The following ATP8A2 variants were observed in gnomAD, a reference collection of about 807,000 sequenced individuals.
ATP8A2 encodes the protein ATPase phospholipid transporting 8A2.
A neutral mutation model predicts 165.6 loss-of-function variants in ATP8A2; 100 were observed. The observed-to-expected ratio is 0.60, with a 90% CI of 0.51 to 0.71. ATP8A2 has a LOEUF of 0.71. Among genes scored for constraint, ATP8A2 ranks in the 30% least tolerant of loss-of-function variants. The pLI is 0.00. For missense variants in ATP8A2, 1,227 were observed against 1,479.5 expected (o/e 0.83, Z 2.80); for synonymous variants, 543 against 548.8 (o/e 0.99, Z 0.15).
In ATP8A2 at chr13:26,023,460, C is replaced by G. The variant is rs943539775; in HGVS notation, c.*3475C>G. 6.6e-6 allele frequency: 1 copy of G among 152,080 alleles called. No individual in the cohort carries two copies. The highest frequency in any genetic ancestry group is 1.5e-5 in the Non-Finnish European group (1 of 68,032). The allele number at this position is 152,080 out of a possible 1,614,324, so 9.4% of individuals were successfully genotyped here. A position where few individuals can be genotyped will look rare whatever the true frequency, so the allele number is the denominator to read the frequency against. On this transcript the variant is annotated 3_prime_UTR_variant, in exon 37 of 37. Transcript: ENST00000381655. The stretch of plus-strand genomic sequence containing the variant: ...AGCTGGCTGTGAAAATCAGTAATAA[C>G]TTGTCAAGAAGCAGTGAAAAATGCG...
chr13:25,434,748 A>G (rs1054790994), intron 1 of ATP8A2, among the ~76,000 whole-genome samples: 5 of 152,110 alleles, frequency 3.3e-5, no homozygotes, highest in South Asian at 2.1e-4. Flanking sequence ...CATGCATTCT[A>G]TTGATGACTT....
chr13:25,996,392 A>G (rs1956504395), intron 35 of ATP8A2, among the ~76,000 whole-genome samples: 1 of 152,240 alleles, frequency 6.6e-6, no homozygotes. Context: ...CTCATCAAAC[A>G]TAATTTGGAG....
At chr13:25,799,355 C>A (rs541915385) in intron 27 of ATP8A2, among the ~76,000 whole-genome samples, 1 of 152,242 alleles carries the variant, frequency 6.6e-6, no homozygotes, top group Non-Finnish European at 1.5e-5. Flanking sequence ...CTTTAAGAAA[C>A]AGAACGAAGG....
Position 26,008,058 on chromosome 13 carries a change from T to C in ATP8A2, c.3378-4473T>C, listed in dbSNP as rs368791691. The stretch of plus-strand genomic sequence containing the variant: ...GGTCCAATTTCAGGCTTCCCAATGC[T>C]ACATGCTAATATATTAATATACAAA... On this transcript the variant is annotated intron_variant, in intron 35 of 36. Coordinates refer to ENST00000381655, the MANE Select transcript of ATP8A2 (RefSeq NM_016529.6). 1.2e-4 allele frequency among the ~76,000 whole-genome samples: 18 copies of C among 152,268 alleles called. No individual in the cohort carries two copies. The South Asian group carries it at 3.3e-3, about 28-fold the overall frequency.
chr13:25,656,106 C>T (rs969238757), intron 24 of ATP8A2, among the ~76,000 whole-genome samples: 2 of 152,168 alleles, frequency 1.3e-5, no homozygotes, highest in Non-Finnish European at 2.9e-5. Context: ...AACCCTATGC[C>T]TTCGTGTCCT....
At chr13:25,647,705 G>A (rs2041709575) in intron 24 of ATP8A2, among the ~76,000 whole-genome samples, 2 of 149,070 alleles carry the variant, frequency 1.3e-5, no homozygotes, top group South Asian at 4.2e-4. Context: ...TTCTTTTTTA[G>A]ATGGAGTTTC....
At chr13:25,830,552 T>C (rs1951435441) in intron 28 of ATP8A2, among the ~76,000 whole-genome samples, 1 of 152,122 alleles carries the variant, frequency 6.6e-6, no homozygotes, top group African/African-American at 2.4e-5. Context: ...CTGGACTTGC[T>C]CATACTGGAG....
chr13:25,652,686 A>C (rs917685305), intron 24 of ATP8A2, among the ~76,000 whole-genome samples: 12 of 152,322 alleles, frequency 7.9e-5, no homozygotes, highest in African/African-American at 2.9e-4. Context: ...GTTTGTGAGA[A>C]ATACGTAATT....
chr13:25,878,057 A>G (rs1028812989), intron 33 of ATP8A2, among the ~76,000 whole-genome samples: 1 of 152,202 alleles, frequency 6.6e-6, no homozygotes, highest in Non-Finnish European at 1.5e-5. Flanking sequence ...ACTCAGCTCT[A>G]GAGAAGAATG....
chr13:25,699,930 A>G (rs2042916483), intron 25 of ATP8A2, among the ~76,000 whole-genome samples: 1 of 151,686 alleles, frequency 6.6e-6, no homozygotes, highest in Non-Finnish European at 1.5e-5. Context: ...TAGAAATTTG[A>G]AAGTCAGACA....
At chr13:25,713,004 T>C (rs549611689) in intron 25 of ATP8A2, among the ~76,000 whole-genome samples, 1 of 152,366 alleles carries the variant, frequency 6.6e-6, no homozygotes, top group South Asian at 2.1e-4. Flanking sequence ...TACTATACCA[T>C]GTCTTCCATT....
At chr13:26,016,617 A>C (rs1399819053) in intron 36 of ATP8A2, among the ~76,000 whole-genome samples, 2 of 152,132 alleles carry the variant, frequency 1.3e-5, no homozygotes, top group Non-Finnish European at 2.9e-5. Flanking sequence ...CCGAAAGGAC[A>C]CTCCCTAATT....
intron 27 of ATP8A2, among the ~76,000 whole-genome samples, chr13:25,807,814 A>C (rs1950774577): frequency 1.3e-5 from 2 of 152,160 alleles, no homozygotes; most frequent in Non-Finnish European, 2.9e-5. Flanking sequence ...CAGAAGTAAC[A>C]CTGCAAAGCA....
At chr13:25,937,848 C>CAAAA (rs57258286) in intron 33 of ATP8A2, among the ~76,000 whole-genome samples, 33 of 83,524 alleles carry the variant, frequency 4.0e-4, no homozygotes, top group East Asian at 1.1e-3. Flanking sequence ...GACTCCGTCT[C>CAAAA]AAAAAAAAAA....
chr13:25,698,433 A>G (rs1470408089), intron 24 of ATP8A2, among the ~76,000 whole-genome samples: 1 of 152,022 alleles, frequency 6.6e-6, no homozygotes, highest in African/African-American at 2.4e-5. Flanking sequence ...GGGTTTCTCT[A>G]TGTTACTGAG....
At chr13:25,768,763 C>T (rs994137434) in intron 25 of ATP8A2, among the ~76,000 whole-genome samples, 2 of 152,180 alleles carry the variant, frequency 1.3e-5, no homozygotes, top group Admixed American at 6.5e-5. Flanking sequence ...GGCACACGTA[C>T]CCCCGAGGAG....
intron 27 of ATP8A2, among the ~76,000 whole-genome samples, chr13:25,823,424 T>G (rs1951230299): frequency 6.6e-6 from 1 of 152,140 alleles, no homozygotes; most frequent in South Asian, 2.1e-4. Flanking sequence ...TGAGCTTTTA[T>G]TTTTTATTAT....
intron 35 of ATP8A2, among the ~76,000 whole-genome samples, chr13:25,975,345 G>A (rs1231989537): frequency 1.3e-5 from 2 of 152,128 alleles, no homozygotes; most frequent in African/African-American, 4.8e-5. Flanking sequence ...AGGCCAAGGC[G>A]GGCAGGTCAC....
At chr13:25,772,049 C>G (rs962025490) in intron 26 of ATP8A2, among the ~76,000 whole-genome samples, 2 of 152,114 alleles carry the variant, frequency 1.3e-5, no homozygotes, top group African/African-American at 2.4e-5. Context: ...GTGGGCAAAG[C>G]TCTGGTTCTA....
Sources: gnomAD v4.1 joint callset for allele counts (sites outside exome capture counted in the v4.1 genomes callset) on GRCh38, gnomAD v4.1.1 for gene constraint, MANE v1.5 for transcripts, NCBI Gene and HGNC (gene_info 2026-07-23, HGNC 2026-07-21) for gene names.